FHIT: variants seen among roughly 807,000 people sequenced by gnomAD.
FHIT encodes fragile histidine triad diadenosine triphosphatase, also known as bis(5'-adenosyl)-triphosphatase.
In FHIT, 19 loss-of-function variants were observed where a neutral mutation model predicts 17.9. The ratio of observed to expected loss-of-function variants is 1.06; its 90% CI spans 0.74 to 1.56. FHIT has a LOEUF of 1.56. Among genes scored for constraint, FHIT ranks in the 40% most tolerant of loss-of-function variants. FHIT has a pLI of 0.00. For missense variants in FHIT, 248 were observed against 189.2 expected (o/e 1.31, Z -1.82); for synonymous variants, 81 against 69.7 (o/e 1.16, Z -0.81).
intron 5 of FHIT, among the ~76,000 whole-genome samples, chr3:60,227,776 AAAGTGACTGAT>A (rs1255150233): frequency 7.2e-5 from 11 of 152,220 alleles, no homozygotes; most frequent in Non-Finnish European, 1.6e-4. Flanking sequence ...CTGTAGAATG[AAAGTGACTGAT>A]TCCCCACATG....
At chr3:60,446,049 C>G (rs945271069) in intron 5 of FHIT, among the ~76,000 whole-genome samples, 2 of 152,036 alleles carry the variant, frequency 1.3e-5, no homozygotes, top group Non-Finnish European at 2.9e-5. Flanking sequence ...AACTGAAATG[C>G]CTACAGTACA....
At chr3:60,216,039 C>T (rs1353133696) in intron 5 of FHIT, among the ~76,000 whole-genome samples, 1 of 152,054 alleles carries the variant, frequency 6.6e-6, no homozygotes, top group East Asian at 1.9e-4. Flanking sequence ...CTTTGTAGGT[C>T]AAGATGGCAA....
At chr3:60,223,602 A>C (rs1458477652) in intron 5 of FHIT, among the ~76,000 whole-genome samples, 2 of 152,120 alleles carry the variant, frequency 1.3e-5, no homozygotes, top group Non-Finnish European at 2.9e-5. Context: ...CCTTCTTTTC[A>C]TTACTCAGTG....
At chr3:60,281,577 T>C (rs1250945367) in intron 5 of FHIT, among the ~76,000 whole-genome samples, 3 of 139,092 alleles carry the variant, frequency 2.2e-5, no homozygotes, top group African/African-American at 5.4e-5. Flanking sequence ...GGCAATTCAA[T>C]AGACAACAAA....
chr3:60,835,375 T>G (rs1371645525), intron 3 of FHIT, among the ~76,000 whole-genome samples: 1 of 152,176 alleles, frequency 6.6e-6, no homozygotes, highest in Non-Finnish European at 1.5e-5. Flanking sequence ...TTTTCTCCAT[T>G]TATTTACATT....
chr3:61,189,168 G>A lies in FHIT; in HGVS notation c.-164+11449C>T, dbSNP rs538034477. On this transcript the variant is annotated intron_variant, in intron 2 of 9. Coordinates refer to ENST00000492590, the MANE Select transcript of FHIT (RefSeq NM_002012.4). ...GTCCCTGTTTGCCGATGACATGAAT[G>A]TATATCTAGAAAATCCCAACGTCTC... 2.0e-5 allele frequency among the ~76,000 whole-genome samples: 3 copies of A among 152,308 alleles called. No individual in the cohort carries two copies. In the South Asian group the frequency reaches 6.2e-4, roughly 32 times the overall value.
chr3:60,919,944 G>C (rs1707193663), intron 3 of FHIT, among the ~76,000 whole-genome samples: 1 of 151,850 alleles, frequency 6.6e-6, no homozygotes, highest in South Asian at 2.1e-4. Context: ...TGAGGGAGGA[G>C]AGTCGCTTGA....
chr3:60,798,154 C>G (rs1264841557), intron 4 of FHIT, among the ~76,000 whole-genome samples: 2 of 152,084 alleles, frequency 1.3e-5, no homozygotes, highest in Non-Finnish European at 2.9e-5. Context: ...AATGGAGTGG[C>G]TAGAGTTGGC....
chr3:61,237,511 T>C (rs2040262156), intron 1 of FHIT, among the ~76,000 whole-genome samples: 1 of 152,196 alleles, frequency 6.6e-6, no homozygotes, highest in Admixed American at 6.5e-5. Flanking sequence ...TATTTGATGG[T>C]CAAAGTGAAT....
chr3:60,184,205 A>G (rs986242520), intron 5 of FHIT, among the ~76,000 whole-genome samples: 1 of 151,986 alleles, frequency 6.6e-6, no homozygotes, highest in Non-Finnish European at 1.5e-5. Context: ...GACTGGTCTC[A>G]GACTCTTGGT....
At chr3:60,203,208 G>A (rs1388442137) in intron 5 of FHIT, among the ~76,000 whole-genome samples, 1 of 151,994 alleles carries the variant, frequency 6.6e-6, no homozygotes, top group Non-Finnish European at 1.5e-5. Flanking sequence ...CAACTCCTGT[G>A]AATGTTGAAT....
At chr3:61,124,655 T>A (rs1021280588) in intron 2 of FHIT, among the ~76,000 whole-genome samples, 7 of 152,192 alleles carry the variant, frequency 4.6e-5, no homozygotes, top group African/African-American at 1.7e-4. Flanking sequence ...AAATACTCTT[T>A]CGCGATATAT....
intron 5 of FHIT, among the ~76,000 whole-genome samples, chr3:60,027,279 G>A (rs61400807): frequency 0.012 from 1,758 of 151,956 alleles, 32 homozygotes; most frequent in African/African-American, 0.04. Context: ...AAAGAAAACT[G>A]TGGAAACAAA....
At chr3:60,869,628 A>G (rs1294035341) in intron 3 of FHIT, among the ~76,000 whole-genome samples, 5 of 152,150 alleles carry the variant, frequency 3.3e-5, no homozygotes, top group African/African-American at 1.2e-4. Context: ...AACTTTTGCC[A>G]CGGAGCCATG....
At chr3:59,951,768 G>A (rs150418356) in intron 7 of FHIT, among the ~76,000 whole-genome samples, 176 of 152,218 alleles carry the variant, frequency 1.2e-3, no homozygotes, top group Non-Finnish European at 2.0e-3. Flanking sequence ...TCATTGAGAT[G>A]TCCCCAGTTA....
intron 8 of FHIT, among the ~76,000 whole-genome samples, chr3:59,861,228 C>T (rs778740217): frequency 6.6e-6 from 1 of 152,104 alleles, no homozygotes; most frequent in East Asian, 1.9e-4. Context: ...CCATGGCAAA[C>T]ATGGACACCA....
chr3:61,035,745 A>G (rs1340078061), intron 3 of FHIT, among the ~76,000 whole-genome samples: 2 of 151,856 alleles, frequency 1.3e-5, no homozygotes, highest in East Asian at 3.9e-4. Flanking sequence ...ATTATCCAAG[A>G]AGAAGTAATT....
At chr3:60,307,502 A>G (rs763592839) in intron 5 of FHIT, among the ~76,000 whole-genome samples, 4 of 152,184 alleles carry the variant, frequency 2.6e-5, no homozygotes, top group Non-Finnish European at 5.9e-5. Context: ...TTACCATCAA[A>G]TAAAATCTTC....
rs937688798 is a variant in FHIT, at chr3:59,909,875, T to G, written c.348+12471A>C. Among the ~76,000 whole-genome samples, 5 of 152,364 alleles carry G rather than the reference T, an allele frequency of 3.3e-5. No homozygotes were observed. The East Asian group carries it at 7.7e-4, about 24-fold the overall frequency. ...TATTGCATACTCATTATATTATGTTTGGGAAATGCAAGAGAATATGAAGAA... is the reference window on the plus strand; with the variant it reads ...TATTGCATACTCATTATATTATGTTGGGGAAATGCAAGAGAATATGAAGAA... On this transcript the variant is annotated intron_variant, in intron 8 of 9. Coordinates refer to ENST00000492590, the MANE Select transcript of FHIT (RefSeq NM_002012.4).
Sources: allele counts gnomAD v4.1 joint callset (sites outside exome capture counted in the v4.1 genomes callset), GRCh38; gene constraint gnomAD v4.1.1; transcripts MANE v1.5; gene names NCBI Gene and HGNC (gene_info 2026-07-23, HGNC 2026-07-21).